DNAH14: variants seen among roughly 807,000 people sequenced by gnomAD.
DNAH14 encodes the protein axonemal beta dynein heavy chain 14.
Under a neutral mutation model 520.9 loss-of-function variants are expected in DNAH14, and 478 were observed. That is an observed-to-expected ratio of 0.92 (90% CI 0.85 to 0.99). DNAH14 has a LOEUF of 0.99. Among genes scored for constraint, DNAH14 ranks in the 50% least tolerant of loss-of-function variants. DNAH14 has a pLI of 0.00. For synonymous variants in DNAH14, 1,581 were observed against 1,757.2 expected (o/e 0.90, Z 2.51); for missense variants, 4,831 against 5,234.5 (o/e 0.92, Z 2.38).
intron 3 of DNAH14, among the ~76,000 whole-genome samples, chr1:224,957,254 C>T (rs2060575907): frequency 6.6e-6 from 1 of 151,832 alleles, no homozygotes; most frequent in Non-Finnish European, 1.5e-5. Context: ...GAATAGTGGT[C>T]CCATTCACTA....
intron 4 of DNAH14, among the ~76,000 whole-genome samples, chr1:224,962,157 C>T (rs1427550956): frequency 6.6e-6 from 1 of 151,334 alleles, no homozygotes; most frequent in African/African-American, 2.4e-5. Flanking sequence ...AAGATGCCCT[C>T]CAGTATTCCT....
intron 45 of DNAH14, among the ~76,000 whole-genome samples, chr1:225,258,574 A>G (rs895449356): frequency 6.6e-6 from 1 of 152,152 alleles, no homozygotes; most frequent in African/African-American, 2.4e-5. Context: ...TACCTTTTCC[A>G]ATTATCTAAC....
At position 225,346,656 on chromosome 1, in the gene DNAH14, T is replaced by C. The variant is rs2095290712; in HGVS notation, c.11296+2T>C. On this transcript the variant is annotated splice_donor_variant, in intron 71 of 85. Coordinates refer to ENST00000682510, the MANE Select transcript of DNAH14 (RefSeq NM_001367479.1). LOFTEE classifies it high-confidence loss of function. ...CATTATCCCAGTCTAGACTTACTAGTAAGTAAAAGTTACTATTCCGGATTC... is the reference window on the plus strand; with the variant it reads ...CATTATCCCAGTCTAGACTTACTAGCAAGTAAAAGTTACTATTCCGGATTC... 2.0e-6 allele frequency: 3 copies of C among 1,532,108 alleles called. No homozygotes were observed. The East Asian group carries it at 7.4e-5, about 38-fold the overall frequency. The allele number at this position is 1,532,108 out of a possible 1,614,324, so 94.9% of individuals were successfully genotyped here.
rs564829432 is a variant in DNAH14, at chr1:224,961,474, G to T, written c.367+1172G>T. The stretch of plus-strand genomic sequence containing the variant: ...TCACTCACAGTTCTGCATTCCTGGG[G>T]AGGCCTCAGAAAACTTACAATCATG... On this transcript the variant is annotated intron_variant, in intron 4 of 85. Transcript: ENST00000682510. The T allele has an allele frequency of 3.9e-5, 6 of 152,294 alleles. No individual in the cohort carries two copies. In the East Asian group the frequency reaches 1.2e-3, roughly 29 times the overall value. 9.4% of individuals were successfully genotyped at this position (152,294 alleles called of 1,614,324 possible).
chr1:225,342,042 T>C (rs1208831989), intron 69 of DNAH14, among the ~76,000 whole-genome samples: 2 of 152,190 alleles, frequency 1.3e-5, no homozygotes, highest in Admixed American at 1.3e-4. Flanking sequence ...CCCTGGCTTA[T>C]ATTTATTTTC....
chr1:225,278,205 A>G (rs541681743), intron 54 of DNAH14, among the ~76,000 whole-genome samples: 4 of 151,366 alleles, frequency 2.6e-5, no homozygotes, highest in African/African-American at 7.4e-5. Flanking sequence ...GAATCAAGAA[A>G]AAAATATGAA....
chr1:225,023,033 A>G (rs1307380405), intron 10 of DNAH14, among the ~76,000 whole-genome samples: 1 of 152,174 alleles, frequency 6.6e-6, no homozygotes, highest in African/African-American at 2.4e-5. Context: ...AGTGGGAGAT[A>G]AACATAGTTA....
intron 84 of DNAH14, chr1:225,396,470 T>C (rs2096012117): frequency 6.6e-6 from 1 of 152,220 alleles, no homozygotes. Flanking sequence ...AGGCAGATCA[T>C]AAGCTTTGAA....
intron 4 of DNAH14, 144 bp downstream of exon 4, chr1:224,960,446 C>T: frequency 1.1e-6 from 1 of 906,382 alleles, no homozygotes; most frequent in Non-Finnish European, 1.5e-6. Context: ...AGGATTATTA[C>T]AATGCTTTTA....
chr1:225,097,116 A>G lies in DNAH14; in HGVS notation c.3574-2A>G. The G allele has an allele frequency of 1.3e-6, 2 of 1,544,434 alleles. No homozygotes were observed. The highest frequency in any genetic ancestry group is 2.4e-5 in the South Asian group (2 of 82,912). On this transcript the variant is annotated splice_acceptor_variant, in intron 21 of 85. Transcript: ENST00000682510. LOFTEE classifies it high-confidence loss of function. ...TATGTGTATATGTTTTTATCATTGT[A>G]GGATCTTGTGAATGAATGGGATCAA...
intron 64 of DNAH14, among the ~76,000 whole-genome samples, chr1:225,327,817 A>G (rs994408760): frequency 9.2e-5 from 14 of 152,112 alleles, no homozygotes; most frequent in Non-Finnish European, 1.8e-4. Flanking sequence ...AAAATGAACA[A>G]ACCTCTAGGG....
At chr1:225,322,913 G>A in intron 62 of DNAH14, 90 bp downstream of exon 62, 3 of 1,253,308 alleles carry the variant, frequency 2.4e-6, no homozygotes, top group Non-Finnish European at 3.2e-6. Flanking sequence ...TCTATTCTTA[G>A]ATGGAGAGAC....
chr1:225,182,664 G>C (rs568142485), intron 36 of DNAH14, among the ~76,000 whole-genome samples: 331 of 152,240 alleles, frequency 2.2e-3, no homozygotes, highest in Non-Finnish European at 3.8e-3. Context: ...GTCCACTTGA[G>C]AGAGGGAGAG....
chr1:225,366,695 G>A (rs2095556835), intron 76 of DNAH14, among the ~76,000 whole-genome samples: 1 of 152,154 alleles, frequency 6.6e-6, no homozygotes, highest in African/African-American at 2.4e-5. Flanking sequence ...AAGGGTGACA[G>A]AGTCAGAGAA....
At chr1:225,214,703 T>G (rs2089023622) in intron 41 of DNAH14, among the ~76,000 whole-genome samples, 1 of 152,244 alleles carries the variant, frequency 6.6e-6, no homozygotes, top group South Asian at 2.1e-4. Flanking sequence ...ATAGAGGTGT[T>G]TATAGTATTC....
intron 39 of DNAH14, among the ~76,000 whole-genome samples, 200 bp from the exon 40 acceptor site, chr1:225,205,771 G>C (rs1012670378): frequency 2.0e-5 from 3 of 152,124 alleles, no homozygotes; most frequent in African/African-American, 7.2e-5. Context: ...AATGCTTAAA[G>C]CATTATTAAG....
intron 10 of DNAH14, among the ~76,000 whole-genome samples, chr1:225,023,278 C>T (rs2065854024): frequency 6.6e-6 from 1 of 150,398 alleles, no homozygotes; most frequent in African/African-American, 2.4e-5. Flanking sequence ...CAAATAAAAA[C>T]AAAACGAACA....
At chr1:225,058,874 G>T (rs1400654098) in intron 17 of DNAH14, among the ~76,000 whole-genome samples, 2 of 152,204 alleles carry the variant, frequency 1.3e-5, no homozygotes, top group Non-Finnish European at 2.9e-5. Flanking sequence ...GTTCTAGTTT[G>T]ATGGCACTGT....
Position 225,007,405 on chromosome 1 carries a change from C to A in DNAH14, c.976-8C>A. 6.6e-7 allele frequency: 1 copy of A among 1,510,338 alleles called. No individual in the cohort carries two copies. The highest frequency in any genetic ancestry group is 1.3e-5 in the South Asian group (1 of 76,404). The allele number at this position is 1,510,338 out of a possible 1,614,324, so 93.6% of individuals were successfully genotyped here. On this transcript the variant is annotated splice_region_variant and splice_polypyrimidine_tract_variant and intron_variant, in intron 9 of 85. Transcript: ENST00000682510. ...TCTAACACTGAACATTTACTATCAT[C>A]TAATTAGCTGGATAGTTCTCGAACA...
Sources: gnomAD v4.1 joint callset for allele counts (sites outside exome capture counted in the v4.1 genomes callset) on GRCh38, gnomAD v4.1.1 for gene constraint, MANE v1.5 for transcripts, NCBI Gene and HGNC (gene_info 2026-07-23, HGNC 2026-07-21) for gene names.